SMOC2: variants seen among roughly 807,000 people sequenced by gnomAD.
SMOC2 encodes the protein SPARC-related modular calcium-binding protein 2.
In SMOC2, 39 loss-of-function variants were observed where a neutral mutation model predicts 61.4. The ratio of observed to expected loss-of-function variants is 0.64; its 90% CI spans 0.49 to 0.83. The LOEUF is 0.83. SMOC2 is among the 40% of genes least tolerant of loss of function. The probability of loss-of-function intolerance (pLI) is 0.00; values close to 1 mark genes in which losing one functional copy is unlikely to be tolerated. For missense variants in SMOC2, 556 were observed against 592.9 expected (o/e 0.94, Z 0.65); for synonymous variants, 247 against 239.9 (o/e 1.03, Z -0.27).
intron 8 of SMOC2, among the ~76,000 whole-genome samples, chr6:168,603,987 C>T (rs9456236): frequency 0.013 from 1,967 of 152,348 alleles, 22 homozygotes; most frequent in Middle Eastern, 0.024. Context: ...ATATAAATGA[C>T]CAGAGATGGC....
chr6:168,520,161 C>T (rs1562567778), intron 2 of SMOC2, among the ~76,000 whole-genome samples: 1 of 152,152 alleles, frequency 6.6e-6, no homozygotes, highest in African/African-American at 2.4e-5. Context: ...TATCACAGCA[C>T]TTTCATCTAT....
intron 1 of SMOC2, among the ~76,000 whole-genome samples, chr6:168,490,445 G>T (rs1323966644): frequency 6.6e-6 from 1 of 152,124 alleles, no homozygotes; most frequent in East Asian, 1.9e-4. Flanking sequence ...GCTCCAGAGG[G>T]GACCTTTCAC....
At chr6:168,576,066 C>T (rs966461455) in intron 7 of SMOC2, among the ~76,000 whole-genome samples, 13 of 152,090 alleles carry the variant, frequency 8.5e-5, no homozygotes, top group African/African-American at 2.9e-4. Context: ...CCCTCCCTAC[C>T]CTAGCCTTGG....
chr6:168,468,010 C>G (rs1321808300), intron 1 of SMOC2, among the ~76,000 whole-genome samples: 8 of 152,032 alleles, frequency 5.3e-5, no homozygotes, highest in Non-Finnish European at 8.8e-5. Flanking sequence ...TCAGAAAGTA[C>G]CAAGTGTTGT....
At position 168,553,022 on chromosome 6, in the gene SMOC2, C is replaced by T. The variant is rs80330610; in HGVS notation, c.637+3819C>T. ...ATATGTTCCACGGGCCCTACTGTAG[C>T]ATCATTACTCTTTTTAAAACAAGCT... On this transcript the variant is annotated intron_variant, in intron 7 of 12. Transcript: ENST00000356284. The surrounding 1 kb of genome is among the most constrained non-coding windows in gnomAD (Gnocchi z 4.2). Among the ~76,000 whole-genome samples the T allele has an allele frequency of 0.028, 4,218 of 152,200 alleles. 111 individuals are homozygous for T. Among genetic ancestry groups the T allele is most frequent in the East Asian group, 0.068 (353 of 5,164 alleles).
chr6:168,489,298 G>T (rs540688262), intron 1 of SMOC2, among the ~76,000 whole-genome samples: 234 of 101,702 alleles, frequency 2.3e-3, no homozygotes, highest in Non-Finnish European at 3.0e-3. Flanking sequence ...TGTTTTAGAG[G>T]GAAATATATC....
intron 2 of SMOC2, among the ~76,000 whole-genome samples, chr6:168,510,949 G>T (rs1262312708): frequency 2.0e-5 from 3 of 152,158 alleles, no homozygotes; most frequent in Admixed American, 6.5e-5. Flanking sequence ...CGGTCACAAG[G>T]ATGTTTTGCT....
intron 1 of SMOC2, among the ~76,000 whole-genome samples, chr6:168,451,144 G>T (rs966229239): frequency 6.6e-6 from 1 of 152,188 alleles, no homozygotes; most frequent in African/African-American, 2.4e-5. Context: ...AAGCCCAGGA[G>T]AGCTGAATAC....
intron 12 of SMOC2, chr6:168,665,217 T>C (rs1300309939): frequency 6.3e-6 from 1 of 158,540 alleles, no homozygotes; most frequent in East Asian, 1.9e-4. Context: ...TAAACTCAGT[T>C]CAAAGCACAT....
At chr6:168,592,470 C>T (rs1198710756) in intron 7 of SMOC2, among the ~76,000 whole-genome samples, 1 of 54,118 alleles carries the variant, frequency 1.8e-5, no homozygotes, top group Non-Finnish European at 3.7e-5. Context: ...TGAGGCCTCA[C>T]GAGGGGCCTC....
At chr6:168,510,374 ATTTCT>A (rs1335102654) in intron 2 of SMOC2, among the ~76,000 whole-genome samples, 1 of 152,072 alleles carries the variant, frequency 6.6e-6, no homozygotes, top group East Asian at 1.9e-4. Context: ...TCTCAATAAG[ATTTCT>A]TTCTTTCTTT....
chr6:168,607,201 G>T (rs1785719739), intron 8 of SMOC2, among the ~76,000 whole-genome samples: 1 of 151,890 alleles, frequency 6.6e-6, no homozygotes, highest in Non-Finnish European at 1.5e-5. Context: ...GGGGCTCCGG[G>T]AGGCAGGTTC....
chr6:168,573,584 A>G (rs1000985498), intron 7 of SMOC2, among the ~76,000 whole-genome samples: 1 of 152,112 alleles, frequency 6.6e-6, no homozygotes, highest in African/African-American at 2.4e-5. Context: ...GCCTCTGCCC[A>G]CACACGTGCA....
intron 7 of SMOC2, among the ~76,000 whole-genome samples, chr6:168,557,341 A>T (rs955214246): frequency 6.6e-6 from 1 of 152,232 alleles, no homozygotes; most frequent in Non-Finnish European, 1.5e-5. Flanking sequence ...CTTACCAAAA[A>T]TATGCATAAC....
intron 1 of SMOC2, among the ~76,000 whole-genome samples, chr6:168,507,263 G>T (rs1782893304): frequency 6.6e-6 from 1 of 152,180 alleles, no homozygotes; most frequent in Non-Finnish European, 1.5e-5. Context: ...AAATTAACAG[G>T]ATTTAGGTTA....
At chr6:168,517,048 C>T (rs1465712014) in intron 2 of SMOC2, among the ~76,000 whole-genome samples, 2 of 152,202 alleles carry the variant, frequency 1.3e-5, no homozygotes, top group Non-Finnish European at 2.9e-5. Context: ...CTCCCATGGC[C>T]AAGTGATGGT....
chr6:168,613,006 A>C (rs997012685), intron 9 of SMOC2, among the ~76,000 whole-genome samples: 10 of 151,978 alleles, frequency 6.6e-5, no homozygotes, highest in African/African-American at 1.7e-4. Flanking sequence ...TGTGTCTTTC[A>C]CTCTCGGATA....
intron 4 of SMOC2, among the ~76,000 whole-genome samples, chr6:168,542,493 A>G (rs1783894632): frequency 6.6e-6 from 1 of 152,216 alleles, no homozygotes; most frequent in South Asian, 2.1e-4. Flanking sequence ...CCTGCAGGGA[A>G]ACCGCTGAGA....
intron 8 of SMOC2, among the ~76,000 whole-genome samples, chr6:168,606,364 A>C (rs1200991877): frequency 6.6e-6 from 1 of 152,172 alleles, no homozygotes; most frequent in African/African-American, 2.4e-5. Flanking sequence ...TAATTTCAAA[A>C]ACAATATTTC....
Sources: gnomAD v4.1 joint callset for allele counts (sites outside exome capture counted in the v4.1 genomes callset) on GRCh38, gnomAD v4.1.1 for gene constraint, Gnocchi (gnomAD v3.1) non-coding constraint, MANE v1.5 for transcripts, NCBI Gene and HGNC (gene_info 2026-07-23, HGNC 2026-07-21) for gene names.